Variants in GIPC2 observed in about 807,000 individuals in gnomAD.
GIPC2 encodes GIPC PDZ domain containing family member 2.
In GIPC2, 30 loss-of-function variants were observed where a neutral mutation model predicts 30.6. That is an observed-to-expected ratio of 0.98 (90% CI 0.73 to 1.33). GIPC2 has a LOEUF of 1.33. Among genes scored for constraint, GIPC2 ranks in the 40% most tolerant of loss-of-function variants. The probability of loss-of-function intolerance (pLI) is 0.00; values close to 1 mark genes in which losing one functional copy is unlikely to be tolerated. For missense variants in GIPC2, 414 were observed against 390.3 expected (o/e 1.06, Z -0.51); for synonymous variants, 167 against 150.0 (o/e 1.11, Z -0.83).
At chr1:78,085,897 G>GTTTTTTTTTTTTTTTTTTTTTT (rs35412467) in intron 2 of GIPC2, among the ~76,000 whole-genome samples, 2 of 120,308 alleles carry the variant, frequency 1.7e-5, no homozygotes, top group African/African-American at 3.1e-5. Flanking sequence ...TCTTTTGAAT[G>GTTTTTTTTTTTTTTTTTTTTTT]TTTTTTTTTT....
chr1:78,105,850 G>T (rs970813948), intron 3 of GIPC2, among the ~76,000 whole-genome samples: 1 of 152,092 alleles, frequency 6.6e-6, no homozygotes, highest in Non-Finnish European at 1.5e-5. Flanking sequence ...TTAATTATAG[G>T]AAAATGGATC....
chr1:78,064,074 G>A (rs921226226), intron 1 of GIPC2, among the ~76,000 whole-genome samples: 6 of 152,200 alleles, frequency 3.9e-5, no homozygotes, highest in African/African-American at 1.4e-4. Flanking sequence ...CAAATAACAT[G>A]GGCAGCATTG....
At chr1:78,072,978 T>G (rs1270253838) in intron 1 of GIPC2, among the ~76,000 whole-genome samples, 2 of 150,960 alleles carry the variant, frequency 1.3e-5, no homozygotes, top group East Asian at 3.9e-4. Flanking sequence ...CTAATTTTTT[T>G]TTTTGCATTT....
chr1:78,068,957 C>G lies in GIPC2; in HGVS notation c.241-11718C>G, dbSNP rs553117690. ...TGTGGTAGCCTGTCAGCTTCTTCAG[C>G]TCCTGCCCCTGCTTGGTCTTCTCCC... On this transcript the variant is annotated intron_variant, in intron 1 of 5. Coordinates refer to ENST00000370759, the MANE Select transcript of GIPC2 (RefSeq NM_017655.6). 4.4e-4 allele frequency: 169 copies of G among 385,394 alleles called. 4 individuals carry two copies. Among genetic ancestry groups the G allele is most frequent in the African/African-American group, 3.6e-3 (164 of 46,056 alleles). 23.9% of individuals were successfully genotyped at this position (385,394 alleles called of 1,614,324 possible).
chr1:78,112,069 G>A (rs1010164740), intron 3 of GIPC2, among the ~76,000 whole-genome samples: 3 of 152,226 alleles, frequency 2.0e-5, no homozygotes, highest in African/African-American at 7.2e-5. Context: ...TAAAGTCCTT[G>A]TAAGATGTTT....
chr1:78,046,482 A>G (rs2102630333), intron 1 of GIPC2, 148 bp downstream of exon 1: 1 of 725,406 alleles, frequency 1.4e-6, no homozygotes, highest in East Asian at 2.8e-5. Context: ...GTCCCGGGGG[A>G]AAGTGAGTGT....
intron 1 of GIPC2, among the ~76,000 whole-genome samples, chr1:78,061,142 G>A (rs1195810875): frequency 6.6e-6 from 1 of 152,174 alleles, no homozygotes; most frequent in Non-Finnish European, 1.5e-5. Flanking sequence ...TTTCCTGAAA[G>A]GGTTTCCTGT....
At chr1:78,099,247 A>G (rs1034405816) in intron 3 of GIPC2, among the ~76,000 whole-genome samples, 13 of 151,942 alleles carry the variant, frequency 8.6e-5, no homozygotes, top group African/African-American at 3.1e-4. Flanking sequence ...TCACCATACC[A>G]CCTGCTTGGT....
chr1:78,106,664 C>T (rs994844386), intron 3 of GIPC2, among the ~76,000 whole-genome samples: 2 of 152,154 alleles, frequency 1.3e-5, no homozygotes, highest in East Asian at 1.9e-4. Context: ...AAATACCTTA[C>T]AGTGGATTTT....
intron 1 of GIPC2, among the ~76,000 whole-genome samples, chr1:78,048,490 G>A (rs535628109): frequency 6.6e-6 from 1 of 151,570 alleles, no homozygotes; most frequent in African/African-American, 2.4e-5. Context: ...GCAGTGGTGC[G>A]ATTATAGCTC....
intron 4 of GIPC2, among the ~76,000 whole-genome samples, chr1:78,125,017 G>A (rs1024631345): frequency 6.6e-5 from 10 of 152,010 alleles, no homozygotes; most frequent in South Asian, 2.1e-4. Flanking sequence ...AAAAAACCCC[G>A]CCACAGTTCT....
chr1:78,133,813 C>T (rs1391948943), intron 5 of GIPC2, among the ~76,000 whole-genome samples: 1 of 150,380 alleles, frequency 6.6e-6, no homozygotes, highest in African/African-American at 2.4e-5. Context: ...GGATTCATGG[C>T]TTCCTGTTCT....
intron 4 of GIPC2, among the ~76,000 whole-genome samples, chr1:78,120,322 A>G (rs1466825272): frequency 6.6e-6 from 1 of 152,060 alleles, no homozygotes; most frequent in Non-Finnish European, 1.5e-5. Flanking sequence ...GTGTATCCCC[A>G]TCTCAGGCTC....
At chr1:78,102,233 A>G (rs146241410) in intron 3 of GIPC2, among the ~76,000 whole-genome samples, 2,500 of 152,344 alleles carry the variant, frequency 0.016, 43 homozygotes, top group South Asian at 0.08. Flanking sequence ...CGGTGTATCC[A>G]TCAGAATAGG....
chr1:78,056,076 C>T (rs1661289778), intron 1 of GIPC2, among the ~76,000 whole-genome samples: 1 of 152,182 alleles, frequency 6.6e-6, no homozygotes, highest in Non-Finnish European at 1.5e-5. Flanking sequence ...TGCCTATCCT[C>T]TAAACTTCCA....
At chr1:78,103,779 G>A (rs1348829340) in intron 3 of GIPC2, among the ~76,000 whole-genome samples, 1 of 152,192 alleles carries the variant, frequency 6.6e-6, no homozygotes, top group Non-Finnish European at 1.5e-5. Context: ...CTTAGAGAGT[G>A]ATAGGGATTG....
At chr1:78,062,070 A>G (rs1312755887) in intron 1 of GIPC2, among the ~76,000 whole-genome samples, 6 of 152,226 alleles carry the variant, frequency 3.9e-5, no homozygotes. Flanking sequence ...ACTAAAATCC[A>G]GGCTCTACAT....
chr1:78,049,893 CTTTTTTTTT>C (rs35263483), intron 1 of GIPC2, among the ~76,000 whole-genome samples: 5 of 98,464 alleles, frequency 5.1e-5, no homozygotes, highest in Non-Finnish European at 6.1e-5. Flanking sequence ...AGAAAAACCT[CTTTTTTTTT>C]TTTTTTTTTT....
chr1:78,119,539 G>A (rs1240679849), intron 4 of GIPC2, 40 bp downstream of exon 4: 3 of 1,227,898 alleles, frequency 2.4e-6, no homozygotes, highest in African/African-American at 3.0e-5. Flanking sequence ...GCTTGGAAAT[G>A]TTGAGTTAGA....
Sources: gnomAD v4.1 joint callset for allele counts (sites outside exome capture counted in the v4.1 genomes callset) on GRCh38, gnomAD v4.1.1 for gene constraint, MANE v1.5 for transcripts, NCBI Gene and HGNC (gene_info 2026-07-23, HGNC 2026-07-21) for gene names.